Variants in PRDM2 observed in about 807,000 individuals in gnomAD.
The protein encoded by PRDM2 is PR/SET domain 2.
In PRDM2, 30 loss-of-function variants were observed where a neutral mutation model predicts 130.0. That is an observed-to-expected ratio of 0.23 (90% CI 0.17 to 0.31). The LOEUF (loss-of-function observed/expected upper bound fraction) is 0.31. Among genes scored for constraint, PRDM2 ranks in the 10% least tolerant of loss-of-function variants. The probability of loss-of-function intolerance (pLI) is 1.00; values close to 1 mark genes in which losing one functional copy is unlikely to be tolerated. For synonymous variants in PRDM2, 871 were observed against 782.4 expected, an observed-to-expected ratio of 1.11 and a Z score of -1.89; for missense variants, 2,011 against 2,108.4, an observed-to-expected ratio of 0.95 and a Z score of 0.90.
intron 8 of PRDM2, among the ~76,000 whole-genome samples, chr1:13,815,990 C>G (rs370812057): frequency 8.6e-5 from 13 of 151,976 alleles, no homozygotes; most frequent in East Asian, 7.7e-4. Context: ...ATGCTTTTTT[C>G]CTTATGGGTG....
At chr1:13,739,139 C>T (rs1035209976) in intron 4 of PRDM2, among the ~76,000 whole-genome samples, 5 of 151,886 alleles carry the variant, frequency 3.3e-5, no homozygotes, top group East Asian at 1.9e-4. Context: ...CTCTGCCTCC[C>T]GTGTTCACGC....
intron 5 of PRDM2, among the ~76,000 whole-genome samples, chr1:13,743,465 A>C (rs1204311376): frequency 1.3e-5 from 2 of 151,864 alleles, no homozygotes; most frequent in Non-Finnish European, 1.5e-5. Flanking sequence ...ATTCTAAGGC[A>C]GAATTTCCAG....
intron 8 of PRDM2, among the ~76,000 whole-genome samples, chr1:13,802,586 G>T (rs990828066): frequency 6.6e-6 from 1 of 152,066 alleles, no homozygotes; most frequent in Non-Finnish European, 1.5e-5. Flanking sequence ...TGGTCCTTGG[G>T]GTTTATGTAA....
In PRDM2 at chr1:13,717,364, C is replaced by T. The variant is rs1053970872; in HGVS notation, c.9+1750C>T. ...ACGAACCTGGTCACCCAAAGGAGCT[C>T]GGTTCTCTGCAGTCTAGGAACTGTT... is the stretch of plus-strand genomic sequence containing the variant. On this transcript the variant is annotated intron_variant, in intron 2 of 9. Coordinates refer to ENST00000311066, the MANE Select transcript of PRDM2 (RefSeq NM_001393986.1). 2.4e-5 allele frequency: 23 copies of T among 970,420 alleles called. No individual in the cohort carries two copies. The Admixed American group carries it at 5.5e-4, about 23-fold the overall frequency. The allele number at this position is 970,420 out of a possible 1,614,324, so 60.1% of individuals were successfully genotyped here.
intron 8 of PRDM2, among the ~76,000 whole-genome samples, chr1:13,812,940 C>T (rs1210505723): frequency 6.6e-6 from 1 of 152,146 alleles, no homozygotes; most frequent in Non-Finnish European, 1.5e-5. Flanking sequence ...GGCTCCGAGG[C>T]CGAGCGACAG....
chr1:13,816,686 T>C, intron 9 of PRDM2, 116 bp downstream of exon 9: 2 of 1,358,500 alleles, frequency 1.5e-6, no homozygotes, highest in Non-Finnish European at 2.0e-6. Flanking sequence ...TGCTTGTGTG[T>C]ACCAGGCACG....
chr1:13,726,374 A>G (rs1030255535), intron 2 of PRDM2, among the ~76,000 whole-genome samples: 2 of 152,234 alleles, frequency 1.3e-5, no homozygotes, highest in African/African-American at 2.4e-5. Flanking sequence ...CTCCCCAGCA[A>G]GGTCAAAACT....
chr1:13,780,871 A>G lies in PRDM2; in HGVS notation c.3076A>G (p.Thr1026Ala). Residue 1026 changes from threonine to alanine, a missense_variant, in exon 8 of 10, where the codon ACA (threonine) becomes GCA (alanine). Physicochemically the swap from Thr to Ala is moderately conservative, Grantham distance 58. This residue lies in a region of PRDM2 where 1,288 missense variants were observed against 1,237.7 expected (regional missense o/e 1.04). Transcript: ENST00000311066. ...GTCCCCACTTCCAATTCTGTCCCCA[A>G]CAGTGTCCCCCTCTCCCTCTCCCAT... ...AQSPLPILSPTVSPSPSPIPP... is the reference protein window; with the variant it reads ...AQSPLPILSPAVSPSPSPIPP... 3.1e-6 allele frequency: 5 copies of G among 1,609,374 alleles called. No homozygotes were observed. The highest frequency in any genetic ancestry group is 1.4e-5 in the African/African-American group (1 of 73,670).
Position 13,803,397 on chromosome 1 carries a change from G to C in PRDM2, c.5037-13030G>C, listed in dbSNP as rs1645038735. Among the ~76,000 whole-genome samples, 1 of 152,136 alleles carries C rather than the reference G, an allele frequency of 6.6e-6. No homozygotes were observed. The highest frequency in any genetic ancestry group is 2.1e-4 in the South Asian group (1 of 4,832). Reference sequence around the variant, plus strand: ...GAATAGACTCCAACCGTGCTCTCCTGGTGCTCCCAGTCCAGTGGGGGAGCC... The same window carrying C: ...GAATAGACTCCAACCGTGCTCTCCTCGTGCTCCCAGTCCAGTGGGGGAGCC... On this transcript the variant is annotated intron_variant, in intron 8 of 9. Coordinates refer to ENST00000311066, the MANE Select transcript of PRDM2 (RefSeq NM_001393986.1). This position sits in a 1 kb window ranked among gnomAD's most constrained non-coding sequence, Gnocchi z 6.2.
At chr1:13,804,415 C>T (rs936056570) in intron 8 of PRDM2, among the ~76,000 whole-genome samples, 3 of 152,224 alleles carry the variant, frequency 2.0e-5, no homozygotes, top group African/African-American at 7.2e-5. Context: ...AGAACGGGCC[C>T]CTGCTGGCCA....
chr1:13,743,152 C>T (rs919076285), intron 5 of PRDM2, among the ~76,000 whole-genome samples: 2 of 152,028 alleles, frequency 1.3e-5, no homozygotes, highest in Admixed American at 6.6e-5. Flanking sequence ...GTAATCCCAG[C>T]GCTTTGGGAG....
In PRDM2 at chr1:13,736,594, A is replaced by G. The variant is rs1643280499; in HGVS notation, c.231+3712A>G. Among the ~76,000 whole-genome samples, 3 of 151,926 alleles carry G rather than the reference A, an allele frequency of 2.0e-5. No homozygotes were observed. In the South Asian group the frequency reaches 6.3e-4, roughly 32 times the overall value. ...TAAATATGTGTTGACTTGTCTGATT[A>G]TTTCCTTAAGATGAATTTCTAGAAG... On this transcript the variant is annotated intron_variant, in intron 4 of 9. Coordinates refer to ENST00000311066, the MANE Select transcript of PRDM2 (RefSeq NM_001393986.1).
At chr1:13,809,609 G>A (rs953349772) in intron 8 of PRDM2, among the ~76,000 whole-genome samples, 2 of 152,168 alleles carry the variant, frequency 1.3e-5, no homozygotes, top group African/African-American at 4.8e-5. Context: ...TGCGTGAATG[G>A]AGTTCAAAGG....
At chr1:13,711,059 T>C (rs1240245544) in intron 1 of PRDM2, among the ~76,000 whole-genome samples, 1 of 146,316 alleles carries the variant, frequency 6.8e-6, no homozygotes, top group Non-Finnish European at 1.5e-5. Flanking sequence ...CACTCCAGCC[T>C]GGGCGACAGA....
intron 9 of PRDM2, among the ~76,000 whole-genome samples, chr1:13,819,127 G>C (rs1645306227): frequency 6.6e-6 from 1 of 152,192 alleles, no homozygotes; most frequent in Non-Finnish European, 1.5e-5. Context: ...GGGCACCCGG[G>C]ACTTGCTTCC....
At chr1:13,810,716 G>A (rs987049545) in intron 8 of PRDM2, among the ~76,000 whole-genome samples, 2 of 151,614 alleles carry the variant, frequency 1.3e-5, no homozygotes, top group Admixed American at 6.6e-5. Flanking sequence ...GGATGGTCTC[G>A]ATCTCTTGAC....
intron 1 of PRDM2, 145 bp from the exon 2 acceptor site, chr1:13,715,396 G>T (rs745314415): frequency 4.9e-5 from 18 of 365,484 alleles, no homozygotes; most frequent in Non-Finnish European, 8.6e-5. Context: ...TGACAAGGAA[G>T]CTCTCAGCAT....
chr1:13,750,309 T>C (rs1383500638), intron 6 of PRDM2, among the ~76,000 whole-genome samples: 1 of 152,068 alleles, frequency 6.6e-6, no homozygotes, highest in African/African-American at 2.4e-5. Context: ...AGTTCATAGA[T>C]CCCAGTTTGA....
intron 8 of PRDM2, among the ~76,000 whole-genome samples, chr1:13,784,865 T>C (rs1644701481): frequency 6.6e-6 from 1 of 152,224 alleles, no homozygotes; most frequent in Non-Finnish European, 1.5e-5. Flanking sequence ...TGCGGACACA[T>C]CTGTAGGTCA....
Sources: gnomAD v4.1 joint callset for allele counts (sites outside exome capture counted in the v4.1 genomes callset) on GRCh38, gnomAD v4.1.1 for gene constraint, gnomAD v4.1.1 regional missense constraint, Gnocchi (gnomAD v3.1) non-coding constraint, MANE v1.5 for transcripts, NCBI Gene and HGNC (gene_info 2026-07-23, HGNC 2026-07-21) for gene names.